The following PCDHGB2 variants were observed in gnomAD, a reference collection of about 807,000 sequenced individuals.
The protein encoded by PCDHGB2 is protocadherin gamma subfamily B, 2.
In PCDHGB2, 55 loss-of-function variants were observed where a neutral mutation model predicts 59.3. The ratio of observed to expected loss-of-function variants is 0.93; its 90% CI spans 0.75 to 1.16. The LOEUF is 1.16. PCDHGB2 is among the 50% of genes most tolerant of loss of function. The probability of loss-of-function intolerance (pLI) is 0.00; values close to 1 mark genes in which losing one functional copy is unlikely to be tolerated. For synonymous variants in PCDHGB2, 516 were observed against 512.0 expected (o/e 1.01, Z -0.11); for missense variants, 1,228 against 1,198.5 (o/e 1.02, Z -0.36).
At chr5:141,365,992 C>T (rs571544765) in intron 1 of PCDHGB2, 10 of 1,614,132 alleles carry the variant, frequency 6.2e-6, no homozygotes, top group Middle Eastern at 1.6e-4. Context: ...TTGTGCTGGA[C>T]CAGAACGACA....
At chr5:141,388,616 A>C in intron 1 of PCDHGB2, 1 of 1,613,938 alleles carries the variant, frequency 6.2e-7, no homozygotes, top group Non-Finnish European at 8.5e-7. Flanking sequence ...TGTTCAGTCA[A>C]GACGTATACA....
intron 1 of PCDHGB2, among the ~76,000 whole-genome samples, chr5:141,474,089 CAAACAACAACAA>C (rs985204397): frequency 3.3e-5 from 5 of 152,116 alleles, no homozygotes; most frequent in Admixed American, 2.0e-4. Flanking sequence ...AACCAAAAAA[CAAACAACAACAA>C]AAACAACAAC....
In PCDHGB2 at chr5:141,489,053, G is replaced by C; in HGVS notation, c.2422-5754G>C. 1 of 473,650 alleles carries C rather than the reference G, an allele frequency of 2.1e-6. No homozygotes were observed. Among genetic ancestry groups the C allele is most frequent in the Non-Finnish European group, 3.7e-6 (1 of 270,732 alleles). The allele number at this position is 473,650 out of a possible 1,614,324, so 29.3% of individuals were successfully genotyped here. A position where few individuals can be genotyped will look rare whatever the true frequency, so the allele number is the denominator to read the frequency against. On this transcript the variant is annotated intron_variant, in intron 1 of 3. Transcript: ENST00000522605. The surrounding 1 kb of genome is among the most constrained non-coding windows in gnomAD (Gnocchi z 4.5). ...AGCTCCCCAGCTCCACTCAAATTCA[G>C]CTCCCCTCCCCCCTGCCCACCCCCG...
At position 141,476,456 on chromosome 5, in the gene PCDHGB2, A is replaced by C; in HGVS notation, c.2422-18351A>C. The C allele has an allele frequency of 6.2e-7, 1 of 1,614,058 alleles. No homozygotes were observed. Among genetic ancestry groups the C allele is most frequent in the Non-Finnish European group, 8.5e-7 (1 of 1,180,010 alleles). On this transcript the variant is annotated intron_variant, in intron 1 of 3. Transcript: ENST00000522605. The surrounding 1 kb of genome is among the most constrained non-coding windows in gnomAD (Gnocchi z 7.6). ...TGTAACTCTGGAGTTGGTAGTGGAGAACCCGCTGGAGCTGTTCAGCGTGGA... is the reference window on the plus strand; with the variant it reads ...TGTAACTCTGGAGTTGGTAGTGGAGCACCCGCTGGAGCTGTTCAGCGTGGA...
intron 1 of PCDHGB2, among the ~76,000 whole-genome samples, chr5:141,452,199 G>T (rs2098736057): frequency 1.3e-5 from 2 of 151,778 alleles, no homozygotes; most frequent in African/African-American, 4.8e-5. Flanking sequence ...AATTGTTTTA[G>T]ATGTTACCAA....
intron 1 of PCDHGB2, chr5:141,383,475 G>T: frequency 6.2e-7 from 1 of 1,613,594 alleles, no homozygotes; most frequent in Non-Finnish European, 8.5e-7. Flanking sequence ...CTAAGTACCC[G>T]GAACTGGTGC....
intron 1 of PCDHGB2, chr5:141,375,897 C>A (rs1456506633): frequency 3.7e-6 from 6 of 1,613,680 alleles, no homozygotes; most frequent in Non-Finnish European, 5.1e-6. Context: ...GCCTGGCTGT[C>A]CTACCGCCTG....
chr5:141,392,879 G>C, intron 1 of PCDHGB2: 1 of 1,613,512 alleles, frequency 6.2e-7, no homozygotes, highest in Non-Finnish European at 8.5e-7. Context: ...TGCTGGGAAC[G>C]CTGTGGGAAA....
chr5:141,398,862 C>A (rs771326288), intron 1 of PCDHGB2: 5 of 1,613,966 alleles, frequency 3.1e-6, no homozygotes, highest in Admixed American at 1.7e-5. Flanking sequence ...TCAACCGAGA[C>A]GTGTACAGAG....
intron 1 of PCDHGB2, among the ~76,000 whole-genome samples, chr5:141,425,114 T>A (rs537694464): frequency 5.9e-5 from 9 of 152,326 alleles, no homozygotes; most frequent in African/African-American, 2.2e-4. Context: ...TGCCTACATT[T>A]TTCTTGAAGT....
chr5:141,497,122 G>A (rs1407489807), intron 2 of PCDHGB2, among the ~76,000 whole-genome samples: 1 of 151,992 alleles, frequency 6.6e-6, no homozygotes, highest in East Asian at 1.9e-4. Flanking sequence ...GAAGGCAGAG[G>A]TTGCAGTGAG....
At chr5:141,384,867 C>T (rs1780607130) in intron 1 of PCDHGB2, 1 of 1,613,660 alleles carries the variant, frequency 6.2e-7, no homozygotes, top group South Asian at 1.1e-5. Context: ...CTCTGTCAGC[C>T]ACCGTCACAC....
chr5:141,400,863 T>G (rs370697957), intron 1 of PCDHGB2, among the ~76,000 whole-genome samples: 1 of 152,250 alleles, frequency 6.6e-6, no homozygotes. Context: ...TGTATGTAGA[T>G]AAACCATTAA....
Position 141,360,980 on chromosome 5 carries a change from A to G in PCDHGB2, c.845A>G (p.His282Arg). ...AACGCAGAGATCACCTACTCCTTTC[A>G]TAATGTGGACGAACAAGTGAAACAC... ...GINAEITYSF[H>R]NVDEQVKHFF... Residue 282 changes from histidine to arginine, a missense_variant, in exon 1 of 4, where the codon CAT (histidine) becomes CGT (arginine). His to Arg is a conservative substitution (Grantham distance 29, BLOSUM62 0). Around this residue, in one of 3 missense-constraint regions of PCDHGB2, gnomAD observed 781 missense variants for 721.6 expected, o/e 1.08. Coordinates refer to ENST00000522605, the MANE Select transcript of PCDHGB2 (RefSeq NM_018923.3). 6.2e-7 allele frequency: 1 copy of G among 1,613,832 alleles called. No homozygotes were observed. Among genetic ancestry groups the G allele is most frequent in the Non-Finnish European group, 8.5e-7 (1 of 1,179,812 alleles).
chr5:141,511,093 G>A lies in PCDHGB2; in HGVS notation c.2716G>A (p.Ala906Thr), dbSNP rs377350933. The change falls in exon 4 of 4, where the codon GCA (alanine) becomes ACA (threonine). Residue 906 changes from alanine to threonine, a missense_variant. Physicochemically the swap from Ala to Thr is moderately conservative, Grantham distance 58. Coordinates refer to ENST00000522605, the MANE Select transcript of PCDHGB2 (RefSeq NM_018923.3). Reference protein sequence around the residue: ...IPGSNATLTNAAGKRDGKAPA... With the variant: ...IPGSNATLTNTAGKRDGKAPA... ...AGGCAGCAATGCCACACTGACCAACGCAGCTGGCAAGCGGGATGGCAAGGC... is the reference window on the plus strand; with the variant it reads ...AGGCAGCAATGCCACACTGACCAACACAGCTGGCAAGCGGGATGGCAAGGC... 8 of 1,614,072 alleles carry A rather than the reference G, an allele frequency of 5.0e-6. No individual in the cohort carries two copies. Among genetic ancestry groups the A allele is most frequent in the African/African-American group, 4.0e-5 (3 of 74,916 alleles).
intron 1 of PCDHGB2, chr5:141,410,354 T>C (rs2095384532): frequency 3.7e-6 from 6 of 1,614,048 alleles, no homozygotes; most frequent in Non-Finnish European, 5.1e-6. Context: ...CCTGCGACGC[T>C]CTCTCAGCCC....
intron 1 of PCDHGB2, chr5:141,413,019 C>T (rs1056458163): frequency 2.9e-6 from 2 of 683,106 alleles, no homozygotes; most frequent in Non-Finnish European, 4.7e-6. Flanking sequence ...ACTACACAAG[C>T]CCCACAAACC....
intron 1 of PCDHGB2, chr5:141,413,378 T>G (rs2095632557): frequency 6.2e-7 from 1 of 1,613,616 alleles, no homozygotes; most frequent in Non-Finnish European, 8.5e-7. Context: ...GAGCGCGGAG[T>G]CCGCATAGTC....
intron 1 of PCDHGB2, chr5:141,391,083 G>C (rs974357992): frequency 1.3e-5 from 2 of 152,152 alleles, no homozygotes; most frequent in Non-Finnish European, 2.9e-5. Flanking sequence ...ATGTGTAACT[G>C]CCTTATCTGC....
Sources: gnomAD v4.1 joint callset for allele counts (sites outside exome capture counted in the v4.1 genomes callset) on GRCh38, gnomAD v4.1.1 for gene constraint, gnomAD v4.1.1 regional missense constraint, Gnocchi (gnomAD v3.1) non-coding constraint, MANE v1.5 for transcripts, NCBI Gene and HGNC (gene_info 2026-07-23, HGNC 2026-07-21) for gene names.